POLK: variants seen among roughly 807,000 people sequenced by gnomAD.
The protein encoded by POLK is DNA polymerase kappa, also known as polymerase (DNA directed) kappa.
Under a neutral mutation model 94.0 loss-of-function variants are expected in POLK, and 76 were observed. The ratio of observed to expected loss-of-function variants is 0.81; its 90% confidence interval spans 0.67 to 0.98. The LOEUF (loss-of-function observed/expected upper bound fraction) is 0.98, where lower values mean the gene tolerates loss of function less well. Ranked by LOEUF, POLK falls within the 50% of genes least tolerant of loss-of-function variation. The pLI, the probability that POLK is intolerant of heterozygous loss-of-function variation, is 0.00. For missense variants in POLK, 954 were observed against 1,010.1 expected (o/e 0.94, Z 0.75); for synonymous variants, 349 against 325.4 (o/e 1.07, Z -0.78).
At chr5:75,537,594 CCCT>C (rs1769509637) in intron 1 of POLK, among the ~76,000 whole-genome samples, 1 of 152,292 alleles carries the variant, frequency 6.6e-6, no homozygotes, top group South Asian at 2.1e-4. Context: ...ATCTTGGCCC[CCCT>C]AACCTAACCC....
chr5:75,556,873 G>C (rs903776200), intron 3 of POLK, among the ~76,000 whole-genome samples: 2 of 152,060 alleles, frequency 1.3e-5, no homozygotes, highest in Non-Finnish European at 2.9e-5. Context: ...ACCAGCCTAG[G>C]CAACATAGCG....
At chr5:75,600,284 T>C (rs1315374458) in exon 15 of POLK, 1 of 152,222 alleles carries the variant, frequency 6.6e-6, no homozygotes, top group East Asian at 1.9e-4. Context: ...AAGGAGGTAT[T>C]ACATCTTTAC....
intron 1 of POLK, among the ~76,000 whole-genome samples, chr5:75,530,396 C>CTTTTTTTTTT (rs201266079): frequency 1.8e-4 from 11 of 61,620 alleles, no homozygotes; most frequent in Non-Finnish European, 2.9e-4. Flanking sequence ...TTCCCTTTTT[C>CTTTTTTTTTT]TTTTTTTTTT....
chr5:75,537,806 A>T (rs1769524024), intron 1 of POLK, among the ~76,000 whole-genome samples: 1 of 151,774 alleles, frequency 6.6e-6, no homozygotes, highest in South Asian at 2.1e-4. Context: ...GTGTTAGAAA[A>T]TGTATATTTT....
chr5:75,545,515 T>C (rs536070888), intron 1 of POLK, among the ~76,000 whole-genome samples: 2 of 152,192 alleles, frequency 1.3e-5, no homozygotes, highest in African/African-American at 2.4e-5. Context: ...CTCCCTAATA[T>C]GAAAATAACC....
chr5:75,531,274 T>C (rs1388895264), intron 1 of POLK, among the ~76,000 whole-genome samples: 1 of 149,984 alleles, frequency 6.7e-6, no homozygotes, highest in Non-Finnish European at 1.5e-5. Flanking sequence ...ATATATATAG[T>C]ATATTGTTTA....
At chr5:75,517,348 T>C (rs1768369244) in intron 1 of POLK, among the ~76,000 whole-genome samples, 1 of 152,192 alleles carries the variant, frequency 6.6e-6, no homozygotes, top group Non-Finnish European at 1.5e-5. Context: ...TTACAGATCT[T>C]TCACTTAAGA....
At chr5:75,533,924 TG>T (rs1313054060) in intron 1 of POLK, among the ~76,000 whole-genome samples, 2 of 152,226 alleles carry the variant, frequency 1.3e-5, no homozygotes, top group Non-Finnish European at 2.9e-5. Context: ...TACAGATTTT[TG>T]TACAATGATT....
intron 1 of POLK, among the ~76,000 whole-genome samples, chr5:75,516,785 T>G (rs1223484200): frequency 6.6e-6 from 1 of 152,192 alleles, no homozygotes; most frequent in Non-Finnish European, 1.5e-5. Flanking sequence ...TCTAATCCAT[T>G]TTGATTTGAT....
At chr5:75,594,821 A>C (rs1259269479) in intron 12 of POLK, among the ~76,000 whole-genome samples, 6 of 152,222 alleles carry the variant, frequency 3.9e-5, no homozygotes, top group Non-Finnish European at 8.8e-5. Flanking sequence ...CCATGTTTCC[A>C]AAGTGTACTG....
chr5:75,550,944 A>T (rs1580996210), intron 2 of POLK, among the ~76,000 whole-genome samples: 1 of 152,172 alleles, frequency 6.6e-6, no homozygotes, highest in African/African-American at 2.4e-5. Flanking sequence ...TAAAAGGGCC[A>T]GGTACAGTGG....
At chr5:75,577,231 G>A (rs917286555) in intron 6 of POLK, among the ~76,000 whole-genome samples, 1 of 152,176 alleles carries the variant, frequency 6.6e-6, no homozygotes, top group Non-Finnish European at 1.5e-5. Context: ...CTAACAAAGA[G>A]TTTGGATGGC....
downstream of POLK, among the ~76,000 whole-genome samples, chr5:75,602,004 T>C (rs191028414): frequency 2.2e-4 from 34 of 152,346 alleles, no homozygotes; most frequent in Middle Eastern, 3.4e-3. Context: ...CAATTTGTTA[T>C]ATTAGGCTTT....
At chr5:75,558,267 G>A (rs1349478121) in intron 3 of POLK, among the ~76,000 whole-genome samples, 1 of 150,918 alleles carries the variant, frequency 6.6e-6, no homozygotes, top group Non-Finnish European at 1.5e-5. Context: ...ATTGTACTTG[G>A]AAAATTATTC....
At chr5:75,559,720 C>T (rs998871371) in intron 3 of POLK, among the ~76,000 whole-genome samples, 4 of 151,060 alleles carry the variant, frequency 2.6e-5, no homozygotes, top group Admixed American at 6.6e-5. Context: ...TAAAATTTTT[C>T]GTAGAGACAG....
At chr5:75,529,549 A>G (rs1580933490) in intron 1 of POLK, among the ~76,000 whole-genome samples, 1 of 152,200 alleles carries the variant, frequency 6.6e-6, no homozygotes, top group East Asian at 1.9e-4. Flanking sequence ...ATGCTATACA[A>G]ATAGTTGTAA....
At chr5:75,516,439 T>C (rs75500390) in intron 1 of POLK, among the ~76,000 whole-genome samples, 4,910 of 152,114 alleles carry the variant, frequency 0.032, 261 homozygotes, top group African/African-American at 0.11. Context: ...TTTAAAAGTT[T>C]AAAAATTAAA....
chr5:75,540,165 G>T (rs1409844572), intron 1 of POLK, among the ~76,000 whole-genome samples: 8 of 152,012 alleles, frequency 5.3e-5, no homozygotes, highest in Non-Finnish European at 1.2e-4. Flanking sequence ...AACTCTTTTT[G>T]ATTTTATTAG....
downstream of POLK, among the ~76,000 whole-genome samples, chr5:75,605,112 T>TACACACAC (rs1466481997): frequency 5.2e-5 from 4 of 77,384 alleles, no homozygotes; most frequent in African/African-American, 2.3e-4. Context: ...CTTTCCTGTA[T>TACACACAC]ACACATACAC....
Sources: gnomAD v4.1 joint callset for allele counts (sites outside exome capture counted in the v4.1 genomes callset) on GRCh38, gnomAD v4.1.1 for gene constraint, MANE v1.5 for transcripts, NCBI Gene and HGNC (gene_info 2026-07-23, HGNC 2026-07-21) for gene names.